Variants in COLEC12 observed in about 807,000 individuals in gnomAD.
The protein encoded by COLEC12 is collectin subfamily member 12.
COLEC12 carries 33 observed loss-of-function variants against 71.1 expected under a neutral mutation model. The ratio of observed to expected loss-of-function variants is 0.46; its 90% confidence interval spans 0.35 to 0.62. The LOEUF is 0.62. COLEC12 is among the 20% of genes least tolerant of loss of function. The probability of loss-of-function intolerance (pLI) is 0.00; values close to 1 mark genes in which losing one functional copy is unlikely to be tolerated. For missense variants in COLEC12, 765 were observed against 916.1 expected, an observed-to-expected ratio of 0.84 and a Z score of 2.13; for synonymous variants, 350 against 353.0, an observed-to-expected ratio of 0.99 and a Z score of 0.10.
rs904255820 is a variant in COLEC12, at chr18:480,781, T to A, written c.8-24A>T. ...GTCTGTGAGAGAAGAAGAGACACGA[T>A]GTTAATCCTGGCAAGGGGCACAGAA... is the stretch of plus-strand genomic sequence containing the variant. On this transcript the variant is annotated intron_variant, in intron 1 of 9. Coordinates refer to ENST00000400256, the MANE Select transcript of COLEC12 (RefSeq NM_130386.3). This position sits in a 1 kb window ranked among gnomAD's most constrained non-coding sequence, Gnocchi z 4.1. The A allele has an allele frequency of 3.7e-6, 6 of 1,610,180 alleles. No individual in the cohort carries two copies. The highest frequency in any genetic ancestry group is 5.1e-6 in the Non-Finnish European group (6 of 1,176,500).
intron 1 of COLEC12, among the ~76,000 whole-genome samples, chr18:483,683 C>G (rs866455546): frequency 6.6e-6 from 1 of 152,210 alleles, no homozygotes. Context: ...CACATCAAGT[C>G]CATGCTCTGT....
At chr18:476,218 C>CA (rs950955180) in intron 2 of COLEC12, among the ~76,000 whole-genome samples, 3 of 151,966 alleles carry the variant, frequency 2.0e-5, no homozygotes, top group East Asian at 1.9e-4. Context: ...TAGTTTTTAC[C>CA]AAAAAAAGAA....
At chr18:491,975 G>T (rs1179533178) in intron 1 of COLEC12, among the ~76,000 whole-genome samples, 1 of 152,190 alleles carries the variant, frequency 6.6e-6, no homozygotes, top group African/African-American at 2.4e-5. Context: ...CCTGGTGAAT[G>T]AACTCAATGC....
chr18:442,832 G>A (rs1021133366), intron 2 of COLEC12, among the ~76,000 whole-genome samples: 56 of 152,338 alleles, frequency 3.7e-4, no homozygotes, highest in African/African-American at 1.1e-3. Context: ...GTGGCGGCAC[G>A]CGCCTGTAGT....
At chr18:372,532 C>T (rs1210881795) in intron 2 of COLEC12, among the ~76,000 whole-genome samples, 4 of 152,100 alleles carry the variant, frequency 2.6e-5, no homozygotes, top group Admixed American at 2.6e-4. Context: ...ATTCTCCCAC[C>T]GTAGCCTCCT....
At chr18:374,042 G>C (rs1001618309) in intron 2 of COLEC12, among the ~76,000 whole-genome samples, 1 of 152,128 alleles carries the variant, frequency 6.6e-6, no homozygotes, top group African/African-American at 2.4e-5. Flanking sequence ...TAAGCCACTT[G>C]GCTCTTGTGC....
At chr18:386,763 A>G (rs561716698) in intron 2 of COLEC12, among the ~76,000 whole-genome samples, 34 of 152,296 alleles carry the variant, frequency 2.2e-4, no homozygotes, top group African/African-American at 8.2e-4. Context: ...ACTTACGGAA[A>G]CTAAGTTGCT....
At chr18:474,423 G>C (rs1917263803) in intron 2 of COLEC12, among the ~76,000 whole-genome samples, 1 of 152,206 alleles carries the variant, frequency 6.6e-6, no homozygotes, top group Admixed American at 6.5e-5. Context: ...CATGGAATGT[G>C]GTGTTGAATC....
intron 1 of COLEC12, among the ~76,000 whole-genome samples, chr18:488,529 A>C (rs1917561030): frequency 6.6e-6 from 1 of 152,210 alleles, no homozygotes; most frequent in African/African-American, 2.4e-5. Flanking sequence ...AAAGGCATAT[A>C]AATAGAAAAA....
intron 2 of COLEC12, among the ~76,000 whole-genome samples, chr18:476,887 C>T (rs938766346): frequency 2.0e-5 from 3 of 152,194 alleles, no homozygotes; most frequent in African/African-American, 7.2e-5. Context: ...GGCCAAGAAA[C>T]GCTGACCCTC....
chr18:431,910 AACT>A (rs1464763889), intron 2 of COLEC12, among the ~76,000 whole-genome samples: 4 of 152,208 alleles, frequency 2.6e-5, no homozygotes, highest in Non-Finnish European at 5.9e-5. Flanking sequence ...TATCTCCCCT[AACT>A]CTTACAAAAA....
At chr18:350,302 G>A (rs1318895495) in intron 3 of COLEC12, among the ~76,000 whole-genome samples, 2 of 152,068 alleles carry the variant, frequency 1.3e-5, no homozygotes, top group Admixed American at 6.5e-5. Context: ...TCTTGCTGCT[G>A]CCGTGTAAGA....
chr18:420,911 A>G (rs1916086654), intron 2 of COLEC12, among the ~76,000 whole-genome samples: 2 of 152,128 alleles, frequency 1.3e-5, no homozygotes, highest in South Asian at 4.1e-4. Flanking sequence ...GAACCCAGGA[A>G]GCAATGCTCC....
chr18:325,627 C>CTTTT (rs760407917), intron 8 of COLEC12, among the ~76,000 whole-genome samples: 3,978 of 51,836 alleles, frequency 0.077, 773 homozygotes, highest in East Asian at 0.11. Flanking sequence ...AAGGATCAGC[C>CTTTT]TTTTTTTTTT....
chr18:488,091 A>G (rs1345551735), intron 1 of COLEC12, among the ~76,000 whole-genome samples: 1 of 152,214 alleles, frequency 6.6e-6, no homozygotes, highest in African/African-American at 2.4e-5. Context: ...ATATCTGGAA[A>G]ACAGGATGCT....
intron 2 of COLEC12, among the ~76,000 whole-genome samples, chr18:441,176 A>G (rs553057876): frequency 3.4e-4 from 51 of 149,564 alleles, no homozygotes; most frequent in Middle Eastern, 3.4e-3. Flanking sequence ...TGAACCCGGG[A>G]GGCGGAGCTT....
At chr18:457,806 C>T (rs557485983) in intron 2 of COLEC12, among the ~76,000 whole-genome samples, 2 of 152,306 alleles carry the variant, frequency 1.3e-5, no homozygotes, top group South Asian at 2.1e-4. Context: ...TCCTTCATTG[C>T]GCATTTTTCA....
intron 2 of COLEC12, among the ~76,000 whole-genome samples, chr18:453,159 G>A (rs1490643841): frequency 1.3e-5 from 2 of 152,174 alleles, no homozygotes; most frequent in African/African-American, 4.8e-5. Context: ...ATGTGTCAGT[G>A]AACTTAGCAA....
At chr18:377,541 C>T (rs1363938073) in intron 2 of COLEC12, among the ~76,000 whole-genome samples, 3 of 152,144 alleles carry the variant, frequency 2.0e-5, no homozygotes, top group Middle Eastern at 3.2e-3. Context: ...GCTTATTCTT[C>T]GGCCTCCAAG....
Sources: gnomAD v4.1 joint callset for allele counts (sites outside exome capture counted in the v4.1 genomes callset) on GRCh38, gnomAD v4.1.1 for gene constraint, Gnocchi (gnomAD v3.1) non-coding constraint, MANE v1.5 for transcripts, NCBI Gene and HGNC (gene_info 2026-07-23, HGNC 2026-07-21) for gene names.